Variants in SLC5A10 observed in about 807,000 individuals in gnomAD.
SLC5A10 encodes solute carrier family 5 member 10, also known as sodium/mannose cotransporter SLC5A10.
Under a neutral mutation model 68.9 loss-of-function variants are expected in SLC5A10, and 55 were observed. That is an observed-to-expected ratio of 0.80 (90% CI 0.64 to 1.00). SLC5A10 has a LOEUF of 1.00. Ranked by LOEUF, SLC5A10 falls within the 50% of genes least tolerant of loss-of-function variation. SLC5A10 has a pLI of 0.00. For missense variants in SLC5A10, 732 were observed against 819.3 expected, an observed-to-expected ratio of 0.89 and a Z score of 1.30; for synonymous variants, 344 against 344.8, an observed-to-expected ratio of 1.00 and a Z score of 0.02.
chr17:18,961,259 T>C (rs988222546), intron 5 of SLC5A10, among the ~76,000 whole-genome samples: 2 of 152,090 alleles, frequency 1.3e-5, no homozygotes, highest in Non-Finnish European at 2.9e-5. Context: ...ACCCTCCCGG[T>C]GACCTCATGG....
intron 9 of SLC5A10, chr17:18,978,138 C>T (rs1427749180): frequency 1.3e-6 from 2 of 1,520,508 alleles, no homozygotes; most frequent in African/African-American, 1.4e-5. Flanking sequence ...GCCACAGGGA[C>T]TGTCCGGGGC....
At chr17:18,951,367 A>G (rs2042365471), upstream of SLC5A10, among the ~76,000 whole-genome samples, 1 of 61,768 alleles carries the variant, frequency 1.6e-5, no homozygotes, top group Non-Finnish European at 3.4e-5. Context: ...GCGGATGGCC[A>G]TTTCCTTGAC....
chr17:18,965,669 G>A (rs2042694901), intron 5 of SLC5A10, among the ~76,000 whole-genome samples: 1 of 152,206 alleles, frequency 6.6e-6, no homozygotes, highest in East Asian at 1.9e-4. Context: ...GGGCCCACAC[G>A]TCCTCTCTCA....
At position 19,003,720 on chromosome 17, in the gene SLC5A10, G is replaced by C. The variant is rs2152143192; in HGVS notation, c.983-9690G>C. The C allele has an allele frequency of 6.2e-7, 1 of 1,605,452 alleles. No homozygotes were observed. The highest frequency in any genetic ancestry group is 8.5e-7 in the Non-Finnish European group (1 of 1,175,948). ...GAGGGCAGCGGCTCGGCCTCGATGG[G>C]GACCCCATCCGCCCCGCTGGCTTCC... On this transcript the variant is annotated intron_variant, in intron 9 of 14. Transcript: ENST00000395645. The surrounding 1 kb of genome is among the most constrained non-coding windows in gnomAD (Gnocchi z 4.5).
intron 9 of SLC5A10, among the ~76,000 whole-genome samples, chr17:19,008,066 T>A (rs1382048597): frequency 2.6e-5 from 4 of 152,314 alleles, no homozygotes; most frequent in Admixed American, 2.0e-4. Flanking sequence ...TTCTGACTGG[T>A]AAGTGATGGT....
intron 5 of SLC5A10, among the ~76,000 whole-genome samples, chr17:18,966,422 C>T (rs928112196): frequency 2.0e-5 from 3 of 152,180 alleles, no homozygotes; most frequent in African/African-American, 7.2e-5. Flanking sequence ...GGGCAAGTTC[C>T]TCTGCAATTT....
Position 18,996,137 on chromosome 17 carries a change from A to AC in SLC5A10, c.983-17273_983-17272insC, listed in dbSNP as rs1491314087. Among the ~76,000 whole-genome samples, 2 of 94,334 alleles carry AC rather than the reference A, an allele frequency of 2.1e-5. No individual in the cohort carries two copies. Among genetic ancestry groups the AC allele is most frequent in the East Asian group, 1.5e-3 (2 of 1,332 alleles). 61.9% of individuals were successfully genotyped at this position (94,334 alleles called of 152,430 possible). A position where few individuals can be genotyped will look rare whatever the true frequency, so the allele number is the denominator to read the frequency against. Reference sequence around the variant, plus strand: ...GCAATATCTTTAAAGTACTAAATGGAAAAAAAAAAAAATCAACTTAGAATT... The same window carrying AC: ...GCAATATCTTTAAAGTACTAAATGGACAAAAAAAAAAAATCAACTTAGAATT... On this transcript the variant is annotated intron_variant, in intron 9 of 14. Transcript: ENST00000395645. This position sits in a 1 kb window ranked among gnomAD's most constrained non-coding sequence, Gnocchi z 4.4.
chr17:18,991,369 G>C (rs181309570), intron 9 of SLC5A10, among the ~76,000 whole-genome samples: 1 of 152,354 alleles, frequency 6.6e-6, no homozygotes, highest in South Asian at 2.1e-4. Context: ...GGGGGTGTGG[G>C]CCTGGCTTGC....
chr17:19,021,867 G>A lies in SLC5A10; in HGVS notation c.*1436G>A, dbSNP rs180846047. The A allele has an allele frequency of 3.8e-6, 5 of 1,318,750 alleles. No homozygotes were observed. The highest frequency in any genetic ancestry group is 3.4e-5 in the Admixed American group (1 of 29,514). The allele number at this position is 1,318,750 out of a possible 1,614,324, so 81.7% of individuals were successfully genotyped here. A position where few individuals can be genotyped will look rare whatever the true frequency, so the allele number is the denominator to read the frequency against. ...AGTCCAAGGCCGTCCACTGAGCCCCGTGTGACTCTGACAGAGCTGGGGGTG... is the reference window on the plus strand; with the variant it reads ...AGTCCAAGGCCGTCCACTGAGCCCCATGTGACTCTGACAGAGCTGGGGGTG... On this transcript the variant is annotated 3_prime_UTR_variant, in exon 15 of 15. Coordinates refer to ENST00000395645, the MANE Select transcript of SLC5A10 (RefSeq NM_001042450.4). The surrounding 1 kb of genome is among the most constrained non-coding windows in gnomAD (Gnocchi z 4.1).
intron 9 of SLC5A10, chr17:18,979,140 G>T: frequency 1.9e-6 from 1 of 517,690 alleles, no homozygotes; most frequent in Non-Finnish European, 3.5e-6. Context: ...CACTGTGGGG[G>T]GTTCTGCATG....
chr17:18,956,779 T>A (rs1036209371), intron 1 of SLC5A10, among the ~76,000 whole-genome samples: 4 of 152,146 alleles, frequency 2.6e-5, no homozygotes, highest in Non-Finnish European at 5.9e-5. Context: ...CCTGGATGAT[T>A]TAACTTAAAT....
intron 9 of SLC5A10, among the ~76,000 whole-genome samples, chr17:18,984,172 C>G (rs192311633): frequency 3.8e-4 from 58 of 152,122 alleles, no homozygotes; most frequent in African/African-American, 1.4e-3. Context: ...GAAACCCCAT[C>G]TCTACTAAAA....
At chr17:19,014,767 C>T (rs189828953) in intron 10 of SLC5A10, among the ~76,000 whole-genome samples, 24 of 152,314 alleles carry the variant, frequency 1.6e-4, no homozygotes, top group Non-Finnish European at 3.1e-4. Context: ...CTGATCGCAG[C>T]CTCAGCATTA....
chr17:18,977,254 T>A (rs1286679921), intron 9 of SLC5A10: 1 of 592,184 alleles, frequency 1.7e-6, no homozygotes, highest in African/African-American at 1.9e-5. Context: ...TTTCCTCATC[T>A]GCAAACTAGG....
In SLC5A10 at chr17:18,971,039, C is replaced by T. The variant is rs1489730618; in HGVS notation, c.667C>T (p.Gln223Ter). 1 of 1,613,812 alleles carries T rather than the reference C, an allele frequency of 6.2e-7. No homozygotes were observed. The highest frequency in any genetic ancestry group is 8.5e-7 in the Non-Finnish European group (1 of 1,180,030). The change falls in exon 8 of 15, where the codon CAG becomes TAG. Residue 223 changes from glutamine to a stop codon, truncating the protein, a stop_gained. Coordinates refer to ENST00000395645, the MANE Select transcript of SLC5A10 (RefSeq NM_001042450.4). LOFTEE classifies it high-confidence loss of function. This position sits in a 1 kb window ranked among gnomAD's most constrained non-coding sequence, Gnocchi z 5.5. Reference protein sequence around the residue: ...KAFDQIGGYGQLEAAYAQAIP... With the variant: ...KAFDQIGGYG ...TTTTGACCAGATCGGTGGTTACGGG[C>T]AGCTGGAGGCAGCCTACGCCCAGGC...
Position 19,019,510 on chromosome 17 carries a change from G to T in SLC5A10, c.1329G>T (p.Met443Ile). ...DSNSGQLFIY[M>I]QSVTSSLAPP... Reference sequence around the variant, plus strand: ...ACAGCGGGCAACTCTTCATCTACATGCAGTCAGTGACCAGCTCCCTGGCCC... The same window carrying T: ...ACAGCGGGCAACTCTTCATCTACATTCAGTCAGTGACCAGCTCCCTGGCCC... Residue 443 changes from methionine to isoleucine, a missense_variant, in exon 12 of 15, where the codon ATG becomes ATT. Coordinates refer to ENST00000395645, the MANE Select transcript of SLC5A10 (RefSeq NM_001042450.4). The T allele has an allele frequency of 6.2e-7, 1 of 1,612,488 alleles. No individual in the cohort carries two copies.
Position 19,015,062 on chromosome 17 carries a change from G to C in SLC5A10, c.1104G>C (p.Leu368=). Residue 368 remains leucine (L), a synonymous_variant, in exon 11 of 15, where the codon CTG becomes CTC. Transcript: ENST00000395645. ...GTCCCACCCCAGGTCTGCGGGGGCTGATGATCGCAGTGATGCTGGCGGCGC... is the reference window on the plus strand; with the variant it reads ...GTCCCACCCCAGGTCTGCGGGGGCTCATGATCGCAGTGATGCTGGCGGCGC... ...MELMPIGLRG[L]MIAVMLAALM... 6.2e-7 allele frequency: 1 copy of C among 1,613,756 alleles called. No homozygotes were observed.
intron 9 of SLC5A10, among the ~76,000 whole-genome samples, chr17:19,002,519 G>A (rs2043756774): frequency 6.6e-6 from 1 of 152,262 alleles, no homozygotes; most frequent in Non-Finnish European, 1.5e-5. Context: ...GGGACTGGAA[G>A]TATAAAGGGA....
intron 5 of SLC5A10, among the ~76,000 whole-genome samples, chr17:18,967,703 G>C (rs950145949): frequency 6.6e-6 from 1 of 152,174 alleles, no homozygotes; most frequent in African/African-American, 2.4e-5. Flanking sequence ...TCCCTCTCCT[G>C]GTAACTCCAA....
Sources: allele counts gnomAD v4.1 joint callset (sites outside exome capture counted in the v4.1 genomes callset), GRCh38; gene constraint gnomAD v4.1.1; non-coding constraint Gnocchi (gnomAD v3.1); transcripts MANE v1.5; gene names NCBI Gene and HGNC (gene_info 2026-07-23, HGNC 2026-07-21).